LRP1B: variants seen among roughly 807,000 people sequenced by gnomAD.
LRP1B encodes the protein low-density lipoprotein receptor-related protein 1B.
LRP1B carries 217 observed loss-of-function variants against 556.6 expected under a neutral mutation model. That is an observed-to-expected ratio of 0.39 (90% confidence interval 0.35 to 0.44). The LOEUF is 0.44. Among genes scored for constraint, LRP1B ranks in the 20% least tolerant of loss-of-function variants. The probability of loss-of-function intolerance (pLI) is 1.00; values close to 1 mark genes in which losing one functional copy is unlikely to be tolerated. For missense variants in LRP1B, 5,053 were observed against 5,620.8 expected (o/e 0.90, Z 3.23); for synonymous variants, 2,047 against 1,865.8 (o/e 1.10, Z -2.50).
At chr2:142,004,212 C>G (rs192735355) in intron 1 of LRP1B, among the ~76,000 whole-genome samples, 93 of 152,138 alleles carry the variant, frequency 6.1e-4, no homozygotes, top group Admixed American at 6.0e-3. Context: ...GAAACAGAAG[C>G]AAATGACCAC....
rs543653282 is a variant in LRP1B, at chr2:141,248,892, A to C, written c.464-1538T>G. On this transcript the variant is annotated intron_variant, in intron 4 of 90. Coordinates refer to ENST00000389484, the MANE Select transcript of LRP1B (RefSeq NM_018557.3). ...TTATATTTTGAACTAAGTCAGTGGC[A>C]GTGGAAATGAAGAGGAAATAGACTC... Among the ~76,000 whole-genome samples, 33 of 152,344 alleles carry C rather than the reference A, an allele frequency of 2.2e-4. No homozygotes were observed. In the South Asian group the frequency reaches 5.2e-3, roughly 24 times the overall value.
chr2:140,236,594 A>G (rs1342206382), intron 89 of LRP1B, among the ~76,000 whole-genome samples: 1 of 150,926 alleles, frequency 6.6e-6, no homozygotes, highest in African/African-American at 2.4e-5. Context: ...AAAAACTAAC[A>G]AATATTTTTA....
intron 89 of LRP1B, 176 bp from the exon 90 acceptor site, chr2:140,235,060 A>G (rs1050015254): frequency 2.5e-6 from 1 of 403,808 alleles, no homozygotes; most frequent in African/African-American, 2.0e-5. Flanking sequence ...TCCAATATTA[A>G]TATTATTAAA....
chr2:140,652,880 G>A lies in LRP1B; in HGVS notation c.6799+47370C>T, dbSNP rs1012512375. On this transcript the variant is annotated intron_variant, in intron 41 of 90. Coordinates refer to ENST00000389484, the MANE Select transcript of LRP1B (RefSeq NM_018557.3). The stretch of plus-strand genomic sequence containing the variant: ...AAAAATGTTACTTAAAAAAATTGTT[G>A]AAAATAGTAATACAAAGCTTGATGT... 2.6e-5 allele frequency among the ~76,000 whole-genome samples: 4 copies of A among 151,942 alleles called. No homozygotes were observed. The East Asian group carries it at 7.7e-4, about 29-fold the overall frequency.
Position 141,701,055 on chromosome 2 carries a change from C to T in LRP1B, c.205+109224G>A, listed in dbSNP as rs541522937. On this transcript the variant is annotated intron_variant, in intron 2 of 90. Coordinates refer to ENST00000389484, the MANE Select transcript of LRP1B (RefSeq NM_018557.3). ...CTGATTGGCATCTAAATTTACTGCT[C>T]TTGGCTAAAGCTGTGTCACTGTGAT... Among the ~76,000 whole-genome samples, 56 of 151,886 alleles carry T rather than the reference C, an allele frequency of 3.7e-4. 1 individual carries two copies. The highest frequency in any genetic ancestry group is 6.3e-4 in the Non-Finnish European group (43 of 67,846).
chr2:141,470,334 T>C (rs1045310426), intron 3 of LRP1B, among the ~76,000 whole-genome samples: 1 of 152,212 alleles, frequency 6.6e-6, no homozygotes, highest in Non-Finnish European at 1.5e-5. Flanking sequence ...AAGCTACTAG[T>C]AAGATTTAGA....
Position 141,246,855 on chromosome 2 carries a change from C to T in LRP1B, c.592+371G>A, listed in dbSNP as rs570097506. Among the ~76,000 whole-genome samples the T allele has an allele frequency of 2.6e-5, 4 of 152,168 alleles. No individual in the cohort carries two copies. The South Asian group carries it at 8.3e-4, about 32-fold the overall frequency. On this transcript the variant is annotated intron_variant, in intron 5 of 90. Coordinates refer to ENST00000389484, the MANE Select transcript of LRP1B (RefSeq NM_018557.3). ...TGGTGTGTGCCTGTAGTCCCAGCTA[C>T]TTGGGAGGCTGAGGCAGGAGAATTG...
intron 1 of LRP1B, among the ~76,000 whole-genome samples, chr2:142,027,673 A>AC (rs1703555478): frequency 6.8e-6 from 1 of 146,756 alleles, no homozygotes; most frequent in Non-Finnish European, 1.5e-5. Flanking sequence ...AAAAGATTAA[A>AC]ACACACACAC....
intron 1 of LRP1B, among the ~76,000 whole-genome samples, chr2:141,986,003 C>T (rs1419081940): frequency 6.6e-6 from 1 of 151,804 alleles, no homozygotes; most frequent in Admixed American, 6.6e-5. Flanking sequence ...TAAATGATCA[C>T]ATATTAAGAA....
At chr2:140,745,510 T>G (rs949158067) in intron 35 of LRP1B, among the ~76,000 whole-genome samples, 1 of 152,164 alleles carries the variant, frequency 6.6e-6, no homozygotes, top group Non-Finnish European at 1.5e-5. Flanking sequence ...CTTAAAACTA[T>G]GACTATCCCC....
intron 52 of LRP1B, among the ~76,000 whole-genome samples, chr2:140,508,936 C>G (rs1448801763): frequency 6.6e-6 from 1 of 152,148 alleles, no homozygotes; most frequent in Admixed American, 6.5e-5. Context: ...TTTACAGACA[C>G]ACATATCAGT....
intron 43 of LRP1B, among the ~76,000 whole-genome samples, chr2:140,542,383 C>G (rs897297550): frequency 3.3e-5 from 5 of 151,930 alleles, no homozygotes; most frequent in Non-Finnish European, 7.4e-5. Flanking sequence ...ATATAAAGAA[C>G]CATAAGATCT....
At chr2:141,990,176 C>A (rs1044575104) in intron 1 of LRP1B, among the ~76,000 whole-genome samples, 1 of 151,966 alleles carries the variant, frequency 6.6e-6, no homozygotes, top group Non-Finnish European at 1.5e-5. Context: ...TACCAACTGA[C>A]GTGAAACAAA....
intron 84 of LRP1B, among the ~76,000 whole-genome samples, chr2:140,284,714 A>G (rs1030957469): frequency 4.0e-5 from 3 of 74,590 alleles, no homozygotes; most frequent in Non-Finnish European, 8.7e-5. Flanking sequence ...ACATAAATGT[A>G]CTTTGCTTCT....
intron 77 of LRP1B, among the ~76,000 whole-genome samples, chr2:140,341,026 A>G (rs1681364735): frequency 6.6e-6 from 1 of 151,680 alleles, no homozygotes; most frequent in Admixed American, 6.6e-5. Flanking sequence ...AGAGAAGCAA[A>G]TGACAGTGTG....
Position 140,601,029 on chromosome 2 carries a change from T to C in LRP1B, c.6989+421A>G, listed in dbSNP as rs186697166. Among the ~76,000 whole-genome samples, 678 of 151,800 alleles carry C rather than the reference T, an allele frequency of 4.5e-3. 17 individuals carry two copies. The highest frequency in any genetic ancestry group is 0.039 in the Admixed American group (587 of 15,206). On this transcript the variant is annotated intron_variant, in intron 42 of 90. Transcript: ENST00000389484. ...ATTTTTGTATGGTTGCAGTTTGCTTTCTTTTGTATTGCAATTTGGGAGATC... is the reference window on the plus strand; with the variant it reads ...ATTTTTGTATGGTTGCAGTTTGCTTCCTTTTGTATTGCAATTTGGGAGATC...
At chr2:140,569,111 A>T (rs1363499073) in intron 43 of LRP1B, among the ~76,000 whole-genome samples, 2 of 152,012 alleles carry the variant, frequency 1.3e-5, no homozygotes, top group Non-Finnish European at 2.9e-5. Flanking sequence ...TTATCACAAC[A>T]ACATCAACAA....
intron 2 of LRP1B, among the ~76,000 whole-genome samples, chr2:141,487,630 A>C (rs1290293824): frequency 1.3e-5 from 2 of 152,152 alleles, no homozygotes; most frequent in African/African-American, 4.8e-5. Context: ...ACACTACTTC[A>C]TTCACTGTCA....
At chr2:141,314,938 G>T (rs371639880) in intron 3 of LRP1B, among the ~76,000 whole-genome samples, 3 of 140,226 alleles carry the variant, frequency 2.1e-5, no homozygotes, top group African/African-American at 7.9e-5. Context: ...AGGCCTACAA[G>T]AAATCTTCAA....
Sources: gnomAD v4.1 joint callset for allele counts (sites outside exome capture counted in the v4.1 genomes callset) on GRCh38, gnomAD v4.1.1 for gene constraint, MANE v1.5 for transcripts, NCBI Gene and HGNC (gene_info 2026-07-23, HGNC 2026-07-21) for gene names.